Variants in IQCH observed in about 807,000 individuals in gnomAD.
The protein encoded by IQCH is IQ motif containing H, also known as IQ domain-containing protein H.
Under a neutral mutation model 117.0 loss-of-function variants are expected in IQCH, and 98 were observed. The observed-to-expected ratio is 0.84, with a 90% CI of 0.71 to 0.99. IQCH has a LOEUF of 0.99. IQCH is among the 50% of genes least tolerant of loss of function. The pLI, the probability that IQCH is intolerant of heterozygous loss-of-function variation, is 0.00. For synonymous variants in IQCH, 412 were observed against 448.2 expected, an observed-to-expected ratio of 0.92 and a Z score of 1.02; for missense variants, 1,102 against 1,243.8, an observed-to-expected ratio of 0.89 and a Z score of 1.72.
chr15:67,312,888 A>G (rs1371589242), intron 4 of IQCH, among the ~76,000 whole-genome samples: 2 of 152,128 alleles, frequency 1.3e-5, no homozygotes, highest in African/African-American at 2.4e-5. Context: ...ATTCTAACCC[A>G]TTGTACCTTA....
rs112415752 is a variant in IQCH, at chr15:67,369,502, A to AAG, written c.754-2605_754-2604dup. Among the ~76,000 whole-genome samples, 4,007 of 145,036 alleles carry AAG rather than the reference A, an allele frequency of 0.028. 175 individuals carry two copies. Among genetic ancestry groups the AAG allele is most frequent in the African/African-American group, 0.09 (3,584 of 39,696 alleles). On this transcript the variant is annotated intron_variant, in intron 8 of 20. Coordinates refer to ENST00000335894, the MANE Select transcript of IQCH (RefSeq NM_001031715.3). This position sits in a 1 kb window ranked among gnomAD's most constrained non-coding sequence, Gnocchi z 5.2. ...GAGAGGAAGGAAGAGAAAAAGAAAA[A>AAG]AGAGAAAGAAGAGAGGGAAGGGGAA... is the stretch of plus-strand genomic sequence containing the variant.
chr15:67,475,905 A>G lies in IQCH; in HGVS notation c.2799+87A>G, dbSNP rs2141047955. 1 of 1,189,872 alleles carries G rather than the reference A, an allele frequency of 8.4e-7. No individual in the cohort carries two copies. The highest frequency in any genetic ancestry group is 2.3e-5 in the East Asian group (1 of 42,614). The allele number at this position is 1,189,872 out of a possible 1,614,324, so 73.7% of individuals were successfully genotyped here. A position where few individuals can be genotyped will look rare whatever the true frequency, so the allele number is the denominator to read the frequency against. On this transcript the variant is annotated intron_variant, in intron 18 of 20. Coordinates refer to ENST00000335894, the MANE Select transcript of IQCH (RefSeq NM_001031715.3). The surrounding 1 kb of genome is among the most constrained non-coding windows in gnomAD (Gnocchi z 5.7). ...CTAATAATTTGGTGCCCCTTCAGAT[A>G]GATATTCTTTAAATACCGGTTTGAC...
At chr15:67,275,946 A>T (rs2140464604) in intron 3 of IQCH, among the ~76,000 whole-genome samples, 1 of 152,356 alleles carries the variant, frequency 6.6e-6, no homozygotes, top group South Asian at 2.1e-4. Flanking sequence ...CTAAAGAGAG[A>T]TATACATTAA....
rs2140887726 is a variant in IQCH at position 67,408,938 on chromosome 15, A to G, written c.2098-7993A>G. Among the ~76,000 whole-genome samples, 1 of 152,318 alleles carries G rather than the reference A, an allele frequency of 6.6e-6. No homozygotes were observed. Among genetic ancestry groups the G allele is most frequent in the South Asian group, 2.1e-4 (1 of 4,820 alleles). On this transcript the variant is annotated intron_variant, in intron 14 of 20. Coordinates refer to ENST00000335894, the MANE Select transcript of IQCH (RefSeq NM_001031715.3). This position sits in a 1 kb window ranked among gnomAD's most constrained non-coding sequence, Gnocchi z 4.2. ...TGTATTTACTTGATATCACTCTTAT[A>G]TTTTAATATAATTTCCTTAAAACCA...
At chr15:67,402,954 A>G (rs1034946505) in intron 14 of IQCH, among the ~76,000 whole-genome samples, 3 of 152,206 alleles carry the variant, frequency 2.0e-5, no homozygotes, top group Non-Finnish European at 4.4e-5. Context: ...TATCTAATAT[A>G]AAGATCATCT....
rs1328534712 is a variant in IQCH, at chr15:67,387,039, C to A, written c.1457-1792C>A. On this transcript the variant is annotated intron_variant, in intron 11 of 20. Transcript: ENST00000335894. The surrounding 1 kb of genome is among the most constrained non-coding windows in gnomAD (Gnocchi z 4.8). ...TTGTTGTTTTTCTGCCCTATTCTTT[C>A]ATACTTAAAAAAAACTCATTAGTTT... is the stretch of plus-strand genomic sequence containing the variant. Among the ~76,000 whole-genome samples, 2 of 152,012 alleles carry A rather than the reference C, an allele frequency of 1.3e-5. No individual in the cohort carries two copies. The highest frequency in any genetic ancestry group is 2.9e-5 in the Non-Finnish European group (2 of 67,980).
intron 4 of IQCH, among the ~76,000 whole-genome samples, chr15:67,336,710 G>GT (rs1231373256): frequency 6.6e-6 from 1 of 152,040 alleles, no homozygotes; most frequent in African/African-American, 2.4e-5. Context: ...AATCTTAATA[G>GT]TTCTTTTATT....
At chr15:67,455,156 T>C (rs1247001464) in intron 16 of IQCH, among the ~76,000 whole-genome samples, 1 of 152,222 alleles carries the variant, frequency 6.6e-6, no homozygotes, top group Non-Finnish European at 1.5e-5. Flanking sequence ...CCCCTTGTGT[T>C]ATTTTATTGA....
intron 4 of IQCH, among the ~76,000 whole-genome samples, chr15:67,304,158 T>C (rs937851845): frequency 2.6e-5 from 4 of 152,194 alleles, no homozygotes; most frequent in Non-Finnish European, 5.9e-5. Flanking sequence ...CAAAGTTCCT[T>C]TTCTGTGAAT....
At chr15:67,301,360 G>A (rs1017519332) in intron 4 of IQCH, among the ~76,000 whole-genome samples, 1 of 140,424 alleles carries the variant, frequency 7.1e-6, no homozygotes, top group African/African-American at 2.6e-5. Flanking sequence ...GGTTTTGAAT[G>A]TACTTGGTAG....
In IQCH at chr15:67,417,625, C is replaced by T. The variant is rs1456626064; in HGVS notation, c.2218+574C>T. 6.6e-6 allele frequency among the ~76,000 whole-genome samples: 1 copy of T among 152,182 alleles called. No homozygotes were observed. Among genetic ancestry groups the T allele is most frequent in the Non-Finnish European group, 1.5e-5 (1 of 68,036 alleles). On this transcript the variant is annotated intron_variant, in intron 15 of 20. Transcript: ENST00000335894. This position sits in a 1 kb window ranked among gnomAD's most constrained non-coding sequence, Gnocchi z 4.3. Reference sequence around the variant, plus strand: ...GAGCCTCCATTCCTTTCATCCTCCTCCTCCTACTTCATCCTCATTTCCTAA... The same window carrying T: ...GAGCCTCCATTCCTTTCATCCTCCTTCTCCTACTTCATCCTCATTTCCTAA...
intron 15 of IQCH, among the ~76,000 whole-genome samples, chr15:67,421,050 T>C (rs948876419): frequency 8.5e-5 from 13 of 152,236 alleles, no homozygotes; most frequent in Admixed American, 2.6e-4. Flanking sequence ...TTACCATTCA[T>C]TGAGCCCTAC....
rs1271723641 is a variant in IQCH at position 67,432,473 on chromosome 15, A to G, written c.2505+10896A>G. 6.6e-6 allele frequency among the ~76,000 whole-genome samples: 1 copy of G among 152,214 alleles called. No individual in the cohort carries two copies. Among genetic ancestry groups the G allele is most frequent in the African/African-American group, 2.4e-5 (1 of 41,448 alleles). On this transcript the variant is annotated intron_variant, in intron 16 of 20. Transcript: ENST00000335894. This position sits in a 1 kb window ranked among gnomAD's most constrained non-coding sequence, Gnocchi z 5.0. ...ATACTGTAGACAATTCACTTGACCA[A>G]TCTGAGCCTTGTTTTTTTGTTATCA...
In IQCH at chr15:67,421,535, A is replaced by G. The variant is rs578027352; in HGVS notation, c.2463A>G (p.Ile821Met). The G allele has an allele frequency of 2.0e-5, 33 of 1,614,218 alleles. No homozygotes were observed. The South Asian group carries it at 3.6e-4, about 18-fold the overall frequency. The change falls in exon 16 of 21, where the codon ATA becomes ATG. Residue 821 changes from isoleucine (I) to methionine (M), a missense_variant. Ile to Met is a conservative substitution (Grantham distance 10). Coordinates refer to ENST00000335894, the MANE Select transcript of IQCH (RefSeq NM_001031715.3). ...GAGATGTGGTTGGTTACTTTTCGAT[A>G]GATCTGGTGACTTTTATAGATCCAA... ...RMRDVVGYFSIDLVTFIDPST... is the reference protein window; with the variant it reads ...RMRDVVGYFSMDLVTFIDPST...
chr15:67,278,544 G>A (rs2140471401), intron 3 of IQCH, among the ~76,000 whole-genome samples: 1 of 152,320 alleles, frequency 6.6e-6, no homozygotes, highest in East Asian at 1.9e-4. Flanking sequence ...CAGTTTTCAG[G>A]ACAGCAGTTT....
chr15:67,255,059 C>A, intron 1 of IQCH, 112 bp downstream of exon 1: 1 of 1,052,844 alleles, frequency 9.5e-7, no homozygotes, highest in Non-Finnish European at 1.4e-6. Context: ...CCCCTAGACT[C>A]CCTCCAACTC....
At chr15:67,322,552 C>T (rs1459718508) in intron 4 of IQCH, among the ~76,000 whole-genome samples, 1 of 152,104 alleles carries the variant, frequency 6.6e-6, no homozygotes, top group Non-Finnish European at 1.5e-5. Flanking sequence ...CTGGGGACCT[C>T]CACAACTGGC....
rs745924820 is a variant in IQCH, at chr15:67,431,464, C to A, written c.2505+9887C>A. Among the ~76,000 whole-genome samples the A allele has an allele frequency of 4.0e-5, 6 of 151,838 alleles. No homozygotes were observed. Among genetic ancestry groups the A allele is most frequent in the Admixed American group, 6.6e-5 (1 of 15,236 alleles). On this transcript the variant is annotated intron_variant, in intron 16 of 20. Coordinates refer to ENST00000335894, the MANE Select transcript of IQCH (RefSeq NM_001031715.3). The surrounding 1 kb of genome is among the most constrained non-coding windows in gnomAD (Gnocchi z 4.8). ...ATACAGGGACACATAGAGGGGAACACCACGCACTGAGGCCTATCAAAGGGT... is the reference window on the plus strand; with the variant it reads ...ATACAGGGACACATAGAGGGGAACAACACGCACTGAGGCCTATCAAAGGGT...
Position 67,436,351 on chromosome 15 carries a change from A to G in IQCH, c.2505+14774A>G, listed in dbSNP as rs556357619. Reference sequence around the variant, plus strand: ...TGGAGAAGTTTCTCACTTTACCCGGAGCTGAGTCAATTTAGAGAGCCAAGG... The same window carrying G: ...TGGAGAAGTTTCTCACTTTACCCGGGGCTGAGTCAATTTAGAGAGCCAAGG... On this transcript the variant is annotated intron_variant, in intron 16 of 20. Coordinates refer to ENST00000335894, the MANE Select transcript of IQCH (RefSeq NM_001031715.3). The surrounding 1 kb of genome is among the most constrained non-coding windows in gnomAD (Gnocchi z 5.1). Among the ~76,000 whole-genome samples, 2 of 152,284 alleles carry G rather than the reference A, an allele frequency of 1.3e-5. No homozygotes were observed. The highest frequency in any genetic ancestry group is 3.9e-4 in the East Asian group (2 of 5,180).
Sources: allele counts gnomAD v4.1 joint callset (sites outside exome capture counted in the v4.1 genomes callset), GRCh38; gene constraint gnomAD v4.1.1; non-coding constraint Gnocchi (gnomAD v3.1); transcripts MANE v1.5; gene names NCBI Gene and HGNC (gene_info 2026-07-23, HGNC 2026-07-21).